REV3L: variants seen among roughly 807,000 people sequenced by gnomAD.
The protein encoded by REV3L is REV3 like, DNA directed polymerase zeta catalytic subunit.
Under a neutral mutation model 299.4 loss-of-function variants are expected in REV3L, and 69 were observed. The ratio of observed to expected loss-of-function variants is 0.23; its 90% CI spans 0.19 to 0.28. REV3L has a LOEUF of 0.28. REV3L is among the 10% of genes least tolerant of loss of function. REV3L has a pLI of 1.00. For missense variants in REV3L, 3,128 were observed against 3,693.8 expected, an observed-to-expected ratio of 0.85 and a Z score of 3.97; for synonymous variants, 1,238 against 1,271.4, an observed-to-expected ratio of 0.97 and a Z score of 0.56.
At chr6:111,306,528 GTTGT>G (rs1209931830) in intron 31 of REV3L, among the ~76,000 whole-genome samples, 9 of 152,128 alleles carry the variant, frequency 5.9e-5, no homozygotes, top group African/African-American at 2.2e-4. Context: ...TGAGATGTTT[GTTGT>G]TTATTTCTGC....
At chr6:111,351,875 T>C (rs1777599829) in intron 18 of REV3L, 84 bp from the exon 19 acceptor site, 1 of 889,738 alleles carries the variant, frequency 1.1e-6, no homozygotes, top group South Asian at 1.7e-5. Flanking sequence ...TGATATAAGG[T>C]ATGAAAACAA....
chr6:111,358,120 G>C (rs1005625524), intron 17 of REV3L, among the ~76,000 whole-genome samples: 2 of 152,044 alleles, frequency 1.3e-5, no homozygotes, highest in Non-Finnish European at 2.9e-5. Context: ...AGGGACAGTA[G>C]GTATTTTATA....
At chr6:111,433,444 A>G (rs1787185644) in intron 1 of REV3L, among the ~76,000 whole-genome samples, 1 of 152,184 alleles carries the variant, frequency 6.6e-6, no homozygotes, top group African/African-American at 2.4e-5. Context: ...ACTATACACC[A>G]ACAAATTGGA....
chr6:111,381,560 A>G, intron 9 of REV3L, 116 bp from the exon 10 acceptor site: 1 of 758,010 alleles, frequency 1.3e-6, no homozygotes, highest in Non-Finnish European at 2.1e-6. Context: ...AAATTTCAAA[A>G]TGTTAATGAT....
At position 111,391,523 on chromosome 6, in the gene REV3L, T is replaced by C. The variant is rs529055207; in HGVS notation, c.663-1343A>G. Reference sequence around the variant, plus strand: ...ATATACGTATATATGTACTCACAAGTATATATTTAGATGTTCAAACACACG... The same window carrying C: ...ATATACGTATATATGTACTCACAAGCATATATTTAGATGTTCAAACACACG... On this transcript the variant is annotated intron_variant, in intron 5 of 31. Transcript: ENST00000368802. 1.3e-4 allele frequency among the ~76,000 whole-genome samples: 20 copies of C among 152,330 alleles called. No homozygotes were observed. The East Asian group carries it at 3.7e-3, about 28-fold the overall frequency.
At position 111,313,468 on chromosome 6, in the gene REV3L, G is replaced by C. The variant is rs1161586480; in HGVS notation, c.8488C>G (p.Gln2830Glu). The change falls in exon 28 of 32, where the codon CAA becomes GAA. Residue 2830 changes from glutamine (Q) to glutamate (E), a missense_variant. By Grantham distance (29) the Gln-to-Glu change is conservative. This residue lies in a region of REV3L where 294 missense variants were observed against 377.0 expected (regional missense o/e 0.78). Transcript: ENST00000368802. ...TAACCCACATACCTCTTTTTTGTTTGTAAAACACAGGGCAAATATACCTGT... is the reference window on the plus strand; with the variant it reads ...TAACCCACATACCTCTTTTTTGTTTCTAAAACACAGGGCAAATATACCTGT... ...FEKVYLPCVL[Q>E]TKKRYVGYMY... 1.2e-6 allele frequency: 2 copies of C among 1,608,188 alleles called. No homozygotes were observed. The highest frequency in any genetic ancestry group is 2.2e-5 in the South Asian group (2 of 89,832).
At chr6:111,424,107 G>A (rs534041581) in intron 1 of REV3L, among the ~76,000 whole-genome samples, 6 of 152,280 alleles carry the variant, frequency 3.9e-5, no homozygotes, top group African/African-American at 7.2e-5. Flanking sequence ...ATCCTGAGCC[G>A]ATATTTAAGA....
In REV3L at chr6:111,388,051, T is replaced by G. The variant is rs1203201609; in HGVS notation, c.897A>C (p.Lys299Asn). The change falls in exon 8 of 32, where the codon AAA becomes AAC. Residue 299 changes from lysine (K) to asparagine (N), a missense_variant. This residue lies in a region of REV3L where 2,409 missense variants were observed against 2,611.8 expected (regional missense o/e 0.92). Coordinates refer to ENST00000368802, the MANE Select transcript of REV3L (RefSeq NM_001372078.1). The part of the protein sequence containing the change: ...HRFVPATESE[K>N]KFQKRLQEIL... ...TTTCCTGAAGTCTCTTCTGAAATTT[T>G]TTTTCACTTTCTGTTGCTGGCACAA... 1.9e-6 allele frequency: 3 copies of G among 1,612,746 alleles called. No individual in the cohort carries two copies. The highest frequency in any genetic ancestry group is 2.5e-6 in the Non-Finnish European group (3 of 1,179,592).
At chr6:111,472,139 T>C (rs373264824) in intron 1 of REV3L, 2 of 1,268,856 alleles carry the variant, frequency 1.6e-6, no homozygotes, top group African/African-American at 3.1e-5. Flanking sequence ...TTGGGTTTTA[T>C]TCTGAAATGA....
upstream of REV3L, chr6:111,483,444 C>T (rs1313609125): frequency 8.2e-5 from 35 of 424,340 alleles, no homozygotes; most frequent in Admixed American, 8.7e-4. Flanking sequence ...ACTCGGCTGG[C>T]GGGCACGGTC....
At chr6:111,319,947 A>T (rs1432874306) in intron 26 of REV3L, among the ~76,000 whole-genome samples, 2 of 151,148 alleles carry the variant, frequency 1.3e-5, no homozygotes, top group Non-Finnish European at 2.9e-5. Context: ...CTCCTGCCTC[A>T]GCCTCCTGAG....
chr6:111,411,526 T>C lies in REV3L; in HGVS notation c.358A>G (p.Arg120Gly), dbSNP rs772248900. The C allele has an allele frequency of 2.5e-6, 4 of 1,590,722 alleles. No individual in the cohort carries two copies. Among genetic ancestry groups the C allele is most frequent in the Non-Finnish European group, 2.6e-6 (3 of 1,165,474 alleles). ...MPFYGYHEKE[R>G]HFMKIYLYNP... is the part of the protein sequence containing the mutation. ...TAAAGATAGATCTTCATAAAGTGTCTTTCCTTCTCATGATAACCATAAAAA... is the reference window on the plus strand; with the variant it reads ...TAAAGATAGATCTTCATAAAGTGTCCTTCCTTCTCATGATAACCATAAAAA... The change falls in exon 3 of 32, where the codon AGA becomes GGA. Residue 120 changes from arginine to glycine, a missense_variant. Arg to Gly is a moderately radical substitution (Grantham distance 125). This residue lies in a region of REV3L where 2,409 missense variants were observed against 2,611.8 expected (regional missense o/e 0.92). Transcript: ENST00000368802.
chr6:111,311,295 TATCTCCTAGTATGTTTC>T (rs1218873321), intron 28 of REV3L, 36 bp from the exon 29 acceptor site: 1 of 1,490,178 alleles, frequency 6.7e-7, no homozygotes, highest in South Asian at 1.3e-5. Flanking sequence ...AAAGATAAAA[TATCTCCTAGTATGTTTC>T]ACCATTGTTA....
intron 4 of REV3L, among the ~76,000 whole-genome samples, chr6:111,400,897 C>T (rs991628490): frequency 3.3e-5 from 5 of 151,988 alleles, no homozygotes; most frequent in South Asian, 2.1e-4. Context: ...AAGTATGTGA[C>T]GTATAAGGTG....
At position 111,357,111 on chromosome 6, in the gene REV3L, T is replaced by G. The variant is rs1778170384; in HGVS notation, c.7087A>C (p.Thr2363Pro). Residue 2363 changes from threonine (T) to proline (P), a missense_variant, in exon 18 of 32, where the codon ACT becomes CCT. This residue lies in a region of REV3L where 82 missense variants were observed against 142.7 expected (regional missense o/e 0.57). Transcript: ENST00000368802. ...ATTCCAGATCTAATAAGTAATGGAG[T>G]CTGATATCTGATATCTAAAAAACAA... Reference protein sequence around the residue: ...TVFSQDIRYQTPLLIRSGITG... With the variant: ...TVFSQDIRYQPPLLIRSGITG... 1.3e-6 allele frequency: 2 copies of G among 1,506,730 alleles called. No individual in the cohort carries two copies. Among genetic ancestry groups the G allele is most frequent in the African/African-American group, 2.8e-5 (2 of 72,006 alleles). The allele number at this position is 1,506,730 out of a possible 1,614,324, so 93.3% of individuals were successfully genotyped here. A position where few individuals can be genotyped will look rare whatever the true frequency, so the allele number is the denominator to read the frequency against.
intron 31 of REV3L, among the ~76,000 whole-genome samples, chr6:111,302,226 CTA>C (rs1253756810): frequency 6.6e-6 from 1 of 152,166 alleles, no homozygotes; most frequent in African/African-American, 2.4e-5. Flanking sequence ...GTATGCTGTT[CTA>C]TGATGAAGCC....
Position 111,380,042 on chromosome 6 carries a change from A to T in REV3L, c.1394T>A (p.Leu465His), listed in dbSNP as rs754954829. The change falls in exon 11 of 32, where the codon CTT (leucine) becomes CAT (histidine). Residue 465 changes from leucine (L) to histidine (H), a missense_variant. Leu to His is a moderately conservative substitution (Grantham distance 99). Transcript: ENST00000368802. ...EPQIEKEEME[L>H]SLVMSQRWDS... Reference sequence around the variant, plus strand: ...CCATCTCTGGGACATCACCAAACTAAGCTCCATTTCCTCTTTTTCAATCTG... The same window carrying T: ...CCATCTCTGGGACATCACCAAACTATGCTCCATTTCCTCTTTTTCAATCTG... The T allele has an allele frequency of 1.9e-6, 3 of 1,613,998 alleles. No homozygotes were observed. The South Asian group carries it at 3.3e-5, about 18-fold the overall frequency.
chr6:111,342,632 C>G (rs900516922), intron 21 of REV3L, among the ~76,000 whole-genome samples: 6 of 149,904 alleles, frequency 4.0e-5, no homozygotes, highest in African/African-American at 9.8e-5. Flanking sequence ...TGTGCCACTG[C>G]ACTCCAGCCT....
At chr6:111,388,537 C>T (rs1182042255) in intron 7 of REV3L, among the ~76,000 whole-genome samples, 1 of 152,090 alleles carries the variant, frequency 6.6e-6, no homozygotes, top group Non-Finnish European at 1.5e-5. Context: ...TGAATGATGT[C>T]GTTCACTCTT....
Sources: gnomAD v4.1 joint callset for allele counts (sites outside exome capture counted in the v4.1 genomes callset) on GRCh38, gnomAD v4.1.1 for gene constraint, gnomAD v4.1.1 regional missense constraint, MANE v1.5 for transcripts, NCBI Gene and HGNC (gene_info 2026-07-23, HGNC 2026-07-21) for gene names.